CTNNA2: variants seen among roughly 807,000 people sequenced by gnomAD.
CTNNA2 encodes catenin alpha-2.
Under a neutral mutation model 101.0 loss-of-function variants are expected in CTNNA2, and 42 were observed. The observed-to-expected ratio is 0.42, with a 90% confidence interval of 0.32 to 0.54. CTNNA2 has a LOEUF of 0.54. Among genes scored for constraint, CTNNA2 ranks in the 20% least tolerant of loss-of-function variants. CTNNA2 has a pLI of 0.14. For missense variants in CTNNA2, 871 were observed against 1,223.1 expected, an observed-to-expected ratio of 0.71 and a Z score of 4.29; for synonymous variants, 450 against 456.4, an observed-to-expected ratio of 0.99 and a Z score of 0.18.
intron 3 of CTNNA2, among the ~76,000 whole-genome samples, chr2:79,765,816 G>T (rs1673111681): frequency 6.6e-6 from 1 of 152,190 alleles, no homozygotes; most frequent in South Asian, 2.1e-4. Context: ...GACTAATAGT[G>T]TATATTCTGT....
chr2:79,469,556 G>A (rs973299268), intron 4 of CTNNA2, among the ~76,000 whole-genome samples: 1 of 152,066 alleles, frequency 6.6e-6, no homozygotes, highest in African/African-American at 2.4e-5. Context: ...CGATACCAAA[G>A]CCCAGCAGAG....
intron 6 of CTNNA2, among the ~76,000 whole-genome samples, chr2:79,898,071 C>G (rs1049872507): frequency 6.6e-6 from 1 of 152,190 alleles, no homozygotes; most frequent in African/African-American, 2.4e-5. Context: ...ATATCACCAT[C>G]CAACTCTTAA....
intron 2 of CTNNA2, among the ~76,000 whole-genome samples, chr2:79,264,745 T>A (rs996819630): frequency 3.6e-4 from 52 of 143,114 alleles, no homozygotes; most frequent in African/African-American, 1.3e-3. Context: ...TTTTTTTTTT[T>A]AAACAGCAAT....
intron 7 of CTNNA2, among the ~76,000 whole-genome samples, chr2:80,120,598 C>T (rs887712769): frequency 4.6e-5 from 7 of 152,280 alleles, no homozygotes; most frequent in Admixed American, 4.6e-4. Context: ...ACACGGCAGT[C>T]ACCCAGTGTT....
At chr2:80,279,214 G>A (rs559340186) in intron 7 of CTNNA2, among the ~76,000 whole-genome samples, 1 of 152,238 alleles carries the variant, frequency 6.6e-6, no homozygotes. Flanking sequence ...ATCTGGGCAA[G>A]AGAACTGGAG....
At chr2:80,542,694 C>CA (rs1691677695) in intron 9 of CTNNA2, among the ~76,000 whole-genome samples, 1 of 151,974 alleles carries the variant, frequency 6.6e-6, no homozygotes, top group Non-Finnish European at 1.5e-5. Context: ...AGTGTGATCT[C>CA]AAGTCTTTTG....
At chr2:79,706,465 C>A (rs374846173) in intron 2 of CTNNA2, among the ~76,000 whole-genome samples, 1 of 151,754 alleles carries the variant, frequency 6.6e-6, no homozygotes, top group East Asian at 1.9e-4. Context: ...AAAAACCTTT[C>A]ACCAACAAAG....
intron 7 of CTNNA2, among the ~76,000 whole-genome samples, chr2:80,192,913 T>C (rs1706603630): frequency 6.6e-6 from 1 of 152,174 alleles, no homozygotes; most frequent in Admixed American, 6.5e-5. Context: ...CTGAGAATGA[T>C]GAAACTACTA....
chr2:80,403,763 A>G lies in CTNNA2; in HGVS notation c.1137+10472A>G, dbSNP rs542334844. Among the ~76,000 whole-genome samples the G allele has an allele frequency of 9.9e-5, 15 of 152,282 alleles. No individual in the cohort carries two copies. The South Asian group carries it at 2.5e-3, about 25-fold the overall frequency. The stretch of plus-strand genomic sequence containing the variant: ...GGGTTTGTCATAAATGGCTGTTACT[A>G]TTATTTTGAGGTATGTTCCATCAAT... On this transcript the variant is annotated intron_variant, in intron 8 of 18. Transcript: ENST00000402739.
At chr2:79,760,732 G>A (rs1000341156) in intron 3 of CTNNA2, among the ~76,000 whole-genome samples, 1 of 152,172 alleles carries the variant, frequency 6.6e-6, no homozygotes, top group African/African-American at 2.4e-5. Flanking sequence ...ATGCCAATTT[G>A]AAATAATTGT....
At chr2:79,701,513 A>G (rs1684999480) in intron 2 of CTNNA2, among the ~76,000 whole-genome samples, 2 of 152,178 alleles carry the variant, frequency 1.3e-5, no homozygotes, top group African/African-American at 4.8e-5. Context: ...GTCTAGACAC[A>G]GGAGATCTAC....
intron 7 of CTNNA2, among the ~76,000 whole-genome samples, chr2:79,965,827 C>T (rs1469660071): frequency 1.3e-5 from 1 of 77,986 alleles, no homozygotes; most frequent in East Asian, 3.6e-4. Context: ...GAGACTATGT[C>T]AAAAAAAAAA....
At chr2:79,528,357 G>A (rs1195795817) in intron 1 of CTNNA2, among the ~76,000 whole-genome samples, 3 of 152,022 alleles carry the variant, frequency 2.0e-5, no homozygotes, top group Middle Eastern at 3.4e-3. Context: ...GATTATAGGG[G>A]TATGCCACCA....
At chr2:80,466,490 A>T (rs538666103) in intron 9 of CTNNA2, among the ~76,000 whole-genome samples, 8 of 152,222 alleles carry the variant, frequency 5.3e-5, no homozygotes, top group Non-Finnish European at 1.0e-4. Flanking sequence ...TTTCTTTAAC[A>T]TACCAAATAA....
intron 18 of CTNNA2, among the ~76,000 whole-genome samples, chr2:80,626,984 T>C (rs1671753293): frequency 1.3e-5 from 2 of 152,076 alleles, no homozygotes; most frequent in Middle Eastern, 3.2e-3. Context: ...TGTTCTTGTG[T>C]TAGTTTGCTG....
At chr2:80,267,258 G>A (rs1673072710) in intron 7 of CTNNA2, among the ~76,000 whole-genome samples, 1 of 152,020 alleles carries the variant, frequency 6.6e-6, no homozygotes, top group African/African-American at 2.4e-5. Context: ...GAAGGGGGTG[G>A]GGACACAACT....
rs141692084 is a variant in CTNNA2 at position 79,790,336 on chromosome 2, TCAAAGGA to T, written c.298+45756_298+45762del. ...TAGAGAGAGGGAGGAGTTGACGATG[TCAAAGGA>T]CGCAGAAAGGGTGAGTAAGGTAATA... On this transcript the variant is annotated intron_variant, in intron 3 of 18. Transcript: ENST00000402739. 9.7e-3 allele frequency among the ~76,000 whole-genome samples: 1,483 copies of T among 152,252 alleles called. 11 individuals carry two copies. Among genetic ancestry groups the T allele is most frequent in the Middle Eastern group, 0.034 (10 of 294 alleles).
At chr2:80,226,678 C>T (rs778637847) in intron 7 of CTNNA2, among the ~76,000 whole-genome samples, 4 of 152,168 alleles carry the variant, frequency 2.6e-5, no homozygotes, top group Non-Finnish European at 4.4e-5. Context: ...ATTTGGGAAG[C>T]CTTTTCGTAC....
chr2:80,540,071 C>T (rs567886199), intron 9 of CTNNA2, among the ~76,000 whole-genome samples: 45 of 152,232 alleles, frequency 3.0e-4, no homozygotes, highest in South Asian at 8.3e-4. Flanking sequence ...TTTGGGGTTG[C>T]AATGTATTGA....
Sources: gnomAD v4.1 joint callset for allele counts (sites outside exome capture counted in the v4.1 genomes callset) on GRCh38, gnomAD v4.1.1 for gene constraint, MANE v1.5 for transcripts, NCBI Gene and HGNC (gene_info 2026-07-23, HGNC 2026-07-21) for gene names.